The following XKR9 variants were observed in gnomAD, a reference collection of about 807,000 sequenced individuals.
The protein encoded by XKR9 is XK-related protein 9.
In XKR9, 32 loss-of-function variants were observed where a neutral mutation model predicts 32.0. That is an observed-to-expected ratio of 1.00 (90% confidence interval 0.76 to 1.34). The LOEUF (loss-of-function observed/expected upper bound fraction) is 1.34, where lower values mean the gene tolerates loss of function less well. XKR9 is among the 40% of genes most tolerant of loss of function. XKR9 has a pLI of 0.00. For missense variants in XKR9, 546 were observed against 429.7 expected (o/e 1.27, Z -2.39); for synonymous variants, 168 against 143.4 (o/e 1.17, Z -1.22).
At chr8:70,730,058 T>C (rs530315199) in intron 4 of XKR9, among the ~76,000 whole-genome samples, 72 of 152,314 alleles carry the variant, frequency 4.7e-4, no homozygotes, top group Admixed American at 1.4e-3. Flanking sequence ...GAAAAAAATA[T>C]ATTTTTTAAG....
intron 2 of XKR9, among the ~76,000 whole-genome samples, chr8:70,742,388 G>A (rs749771248): frequency 6.6e-6 from 1 of 152,186 alleles, no homozygotes. Flanking sequence ...TGTTTGTGGG[G>A]TGAAGGTGAG....
intron 2 of XKR9, among the ~76,000 whole-genome samples, chr8:70,756,334 T>C (rs1253549076): frequency 3.3e-5 from 5 of 152,236 alleles, no homozygotes; most frequent in Non-Finnish European, 7.3e-5. Context: ...TCAGCATTAT[T>C]TTAATTGTCC....
chr8:70,796,115 A>C, the XKR9 span, among the ~76,000 whole-genome samples: 1 of 151,850 alleles, frequency 6.6e-6, no homozygotes, highest in Non-Finnish European at 1.5e-5. Flanking sequence ...TTTTTGACAG[A>C]AAATTGCATG....
At position 70,734,564 on chromosome 8, in the gene XKR9, AG is replaced by A; in HGVS notation, c.*141del. 1 of 1,103,984 alleles carries A rather than the reference AG, an allele frequency of 9.1e-7. No individual in the cohort carries two copies. The highest frequency in any genetic ancestry group is 1.2e-6 in the Non-Finnish European group (1 of 860,044). The allele number at this position is 1,103,984 out of a possible 1,614,324, so 68.4% of individuals were successfully genotyped here. On this transcript the variant is annotated 3_prime_UTR_variant, in exon 5 of 5. Transcript: ENST00000408926. ...TTCAGTGAAATAGGAGATACATAGTAGTATTTTATTTTTAAAATTAATTTCT... is the reference window on the plus strand; with the variant it reads ...TTCAGTGAAATAGGAGATACATAGTATATTTTATTTTTAAAATTAATTTCT...
the XKR9 span, among the ~76,000 whole-genome samples, chr8:70,810,518 C>T: frequency 1.3e-4 from 20 of 152,182 alleles, no homozygotes; most frequent in East Asian, 3.7e-3. Flanking sequence ...GAGTCAAGAC[C>T]CATCAGTGTG....
intron 4 of XKR9, among the ~76,000 whole-genome samples, chr8:70,722,449 C>T (rs1806315204): frequency 6.6e-6 from 1 of 152,096 alleles, no homozygotes; most frequent in African/African-American, 2.4e-5. Flanking sequence ...TTTTCCTTTC[C>T]ATATTTAGTG....
At chr8:70,922,194 A>C in the XKR9 span, among the ~76,000 whole-genome samples, 1 of 152,186 alleles carries the variant, frequency 6.6e-6, no homozygotes, top group East Asian at 1.9e-4. Flanking sequence ...ACCAGAACAC[A>C]AGTTTCTCTT....
chr8:70,853,939 T>A, the XKR9 span, among the ~76,000 whole-genome samples: 3 of 152,362 alleles, frequency 2.0e-5, no homozygotes, highest in East Asian at 3.9e-4. Context: ...GTTGGACGTT[T>A]GGGTTGGTTC....
At chr8:70,725,001 T>G (rs1806414316) in intron 4 of XKR9, among the ~76,000 whole-genome samples, 1 of 152,142 alleles carries the variant, frequency 6.6e-6, no homozygotes, top group Non-Finnish European at 1.5e-5. Flanking sequence ...CTCAGGAAAC[T>G]TACAATCATG....
the XKR9 span, among the ~76,000 whole-genome samples, chr8:70,799,354 G>A: frequency 2.8e-4 from 43 of 151,722 alleles, no homozygotes; most frequent in East Asian, 1.7e-3. Flanking sequence ...TTTTTGAGAC[G>A]GAGTCTCACT....
chr8:71,052,044 A>G, the XKR9 span, among the ~76,000 whole-genome samples: 57 of 152,220 alleles, frequency 3.7e-4, 1 homozygote, highest in Admixed American at 5.2e-4. Flanking sequence ...CGGCTAAATA[A>G]TGACACCATA....
the XKR9 span, among the ~76,000 whole-genome samples, chr8:70,828,966 G>T: frequency 1.3e-5 from 2 of 152,032 alleles, no homozygotes; most frequent in Non-Finnish European, 2.9e-5. Flanking sequence ...TTTAAACTAC[G>T]TTAATTGCCA....
rs1030721318 is a variant in XKR9, at chr8:70,669,489, G to A, written c.-410G>A. ...GTCCTAGACAGGCGAGTGGATCCAA[G>A]TGGGCGAGAGACATTTTAATCTGGA... On this transcript the variant is annotated 5_prime_UTR_variant, in exon 1 of 5. In the 5' UTR this introduces an upstream ATG that the reference lacks. Coordinates refer to ENST00000408926, the MANE Select transcript of XKR9 (RefSeq NM_001011720.2). The A allele has an allele frequency of 2.9e-5, 7 of 242,094 alleles. No homozygotes were observed. Among genetic ancestry groups the A allele is most frequent in the Admixed American group, 5.4e-5 (1 of 18,604 alleles). The allele number at this position is 242,094 out of a possible 1,614,324, so 15.0% of individuals were successfully genotyped here.
chr8:71,049,704 A>C, the XKR9 span, among the ~76,000 whole-genome samples: 1 of 152,190 alleles, frequency 6.6e-6, no homozygotes, highest in Non-Finnish European at 1.5e-5. Flanking sequence ...GTCCACACAC[A>C]CTGAGAGGGG....
intron 4 of XKR9, among the ~76,000 whole-genome samples, chr8:70,720,502 G>T (rs1311314729): frequency 6.6e-6 from 1 of 152,116 alleles, no homozygotes; most frequent in African/African-American, 2.4e-5. Flanking sequence ...AGTGTTTTTA[G>T]CATGAAGGGG....
the XKR9 span, among the ~76,000 whole-genome samples, chr8:71,054,229 C>G: frequency 6.6e-6 from 1 of 152,260 alleles, no homozygotes; most frequent in South Asian, 2.1e-4. Flanking sequence ...CAGTGTATTT[C>G]CCAGTCCATA....
chr8:70,855,188 G>C, the XKR9 span, among the ~76,000 whole-genome samples: 1 of 152,162 alleles, frequency 6.6e-6, no homozygotes, highest in African/African-American at 2.4e-5. Flanking sequence ...CCGAGGTAAA[G>C]GAGGAAGTTT....
intron 2 of XKR9, among the ~76,000 whole-genome samples, chr8:70,767,540 C>A (rs1035692357): frequency 7.2e-6 from 1 of 137,988 alleles, no homozygotes; most frequent in Non-Finnish European, 1.5e-5. Context: ...GCTCTGTCGC[C>A]CAGACTGGAG....
At chr8:70,701,085 C>T (rs1168567047) in intron 3 of XKR9, among the ~76,000 whole-genome samples, 9 of 152,228 alleles carry the variant, frequency 5.9e-5, no homozygotes, top group African/African-American at 1.7e-4. Context: ...CAGGTGCCGT[C>T]TGTAACCCCT....
Sources: gnomAD v4.1 joint callset for allele counts (sites outside exome capture counted in the v4.1 genomes callset) on GRCh38, gnomAD v4.1.1 for gene constraint, MANE v1.5 for transcripts, NCBI Gene and HGNC (gene_info 2026-07-23, HGNC 2026-07-21) for gene names.